Variants in ULK4 observed in about 807,000 individuals in gnomAD.
ULK4 encodes the protein inactive serine/threonine-protein kinase ULK4.
ULK4 carries 133 observed loss-of-function variants against 160.6 expected under a neutral mutation model. The observed-to-expected ratio is 0.83, with a 90% confidence interval of 0.72 to 0.96. The LOEUF (loss-of-function observed/expected upper bound fraction) is 0.96, where lower values mean the gene tolerates loss of function less well. Ranked by LOEUF, ULK4 falls within the 40% of genes least tolerant of loss-of-function variation. The probability of loss-of-function intolerance (pLI) is 0.00; values close to 1 mark genes in which losing one functional copy is unlikely to be tolerated. For synonymous variants in ULK4, 534 were observed against 539.8 expected, an observed-to-expected ratio of 0.99 and a Z score of 0.15; for missense variants, 1,580 against 1,499.5, an observed-to-expected ratio of 1.05 and a Z score of -0.89.
intron 35 of ULK4, among the ~76,000 whole-genome samples, chr3:41,340,638 G>A (rs1214838068): frequency 1.3e-5 from 2 of 152,238 alleles, no homozygotes; most frequent in Non-Finnish European, 2.9e-5. Flanking sequence ...CACATCTGGA[G>A]TGCTCAATAG....
intron 32 of ULK4, among the ~76,000 whole-genome samples, chr3:41,488,141 A>G (rs1234961286): frequency 1.3e-5 from 2 of 152,242 alleles, no homozygotes; most frequent in African/African-American, 4.8e-5. Context: ...ACCGAGTTAG[A>G]GAACAATACA....
intron 19 of ULK4, among the ~76,000 whole-genome samples, chr3:41,806,475 T>C (rs912796251): frequency 1.3e-5 from 2 of 152,214 alleles, no homozygotes; most frequent in South Asian, 2.1e-4. Flanking sequence ...TTTTTGTGTC[T>C]GTATTTCCTT....
intron 5 of ULK4, among the ~76,000 whole-genome samples, chr3:41,928,629 AAC>A (rs1229890867): frequency 1.3e-5 from 2 of 150,926 alleles, no homozygotes; most frequent in Non-Finnish European, 3.0e-5. Context: ...AAAAGAAACA[AAC>A]ACAATAAAAA....
rs143204589 is a variant in ULK4 at position 41,508,317 on chromosome 3, A to T, written c.3227-45064T>A. Among the ~76,000 whole-genome samples, 622 of 152,262 alleles carry T rather than the reference A, an allele frequency of 4.1e-3. 2 individuals are homozygous for T. The highest frequency in any genetic ancestry group is 6.4e-3 in the Non-Finnish European group (437 of 68,026). The stretch of plus-strand genomic sequence containing the variant: ...GGAGAGTCTGAGCTCAGACATGCCT[A>T]TACCTGCCTCCACCTGGTAGTCTTT... On this transcript the variant is annotated intron_variant, in intron 32 of 36. Coordinates refer to ENST00000301831, the MANE Select transcript of ULK4 (RefSeq NM_017886.4).
intron 35 of ULK4, among the ~76,000 whole-genome samples, chr3:41,292,923 G>A (rs919891848): frequency 1.7e-4 from 26 of 151,762 alleles, no homozygotes; most frequent in African/African-American, 6.1e-4. Flanking sequence ...CAGCCTGGGC[G>A]ACAGAGCAAG....
intron 32 of ULK4, among the ~76,000 whole-genome samples, chr3:41,550,160 A>G (rs2087007512): frequency 6.6e-6 from 1 of 152,102 alleles, no homozygotes; most frequent in African/African-American, 2.4e-5. Context: ...AAAAAATTCA[A>G]ATGCAAGCAT....
chr3:41,375,412 G>A (rs1395851658), intron 35 of ULK4, among the ~76,000 whole-genome samples: 2 of 150,048 alleles, frequency 1.3e-5, no homozygotes, highest in African/African-American at 5.0e-5. Context: ...AAACGGCATG[G>A]TACTGGTACC....
At chr3:41,430,411 A>T (rs2082878343) in intron 34 of ULK4, among the ~76,000 whole-genome samples, 1 of 152,192 alleles carries the variant, frequency 6.6e-6, no homozygotes, top group Non-Finnish European at 1.5e-5. Context: ...ACACTATAGG[A>T]CTTGGTTGCC....
At chr3:41,682,235 T>A (rs1457569345) in intron 27 of ULK4, among the ~76,000 whole-genome samples, 1 of 152,178 alleles carries the variant, frequency 6.6e-6, no homozygotes, top group African/African-American at 2.4e-5. Flanking sequence ...CAAATAACTA[T>A]GACAAGTTCG....
At chr3:41,359,913 A>T (rs1300933875) in intron 35 of ULK4, among the ~76,000 whole-genome samples, 1 of 152,240 alleles carries the variant, frequency 6.6e-6, no homozygotes, top group Non-Finnish European at 1.5e-5. Context: ...AACAAAAACA[A>T]AAATTGACAA....
chr3:41,463,069 G>A lies in ULK4; in HGVS notation c.3393+18C>T. Reference sequence around the variant, plus strand: ...ATGGAGTAGGGCTGCTCAAGACACAGGAAAACAGATCCTCTACCTGCAAAG... The same window carrying A: ...ATGGAGTAGGGCTGCTCAAGACACAAGAAAACAGATCCTCTACCTGCAAAG... On this transcript the variant is annotated intron_variant, in intron 33 of 36. Transcript: ENST00000301831. 1 of 1,611,050 alleles carries A rather than the reference G, an allele frequency of 6.2e-7. No homozygotes were observed. Among genetic ancestry groups the A allele is most frequent in the Non-Finnish European group, 8.5e-7 (1 of 1,178,204 alleles).
At chr3:41,834,758 T>C (rs1242912177) in intron 18 of ULK4, among the ~76,000 whole-genome samples, 3 of 152,162 alleles carry the variant, frequency 2.0e-5, no homozygotes, top group African/African-American at 7.2e-5. Flanking sequence ...AGAAATACAA[T>C]TACAGTCATG....
intron 35 of ULK4, among the ~76,000 whole-genome samples, chr3:41,387,514 C>T (rs975097235): frequency 2.0e-5 from 3 of 152,086 alleles, no homozygotes; most frequent in Non-Finnish European, 4.4e-5. Flanking sequence ...CTAATGCTAT[C>T]CCTCCCTACT....
chr3:41,930,901 T>C (rs1255612814), intron 5 of ULK4, among the ~76,000 whole-genome samples: 1 of 152,194 alleles, frequency 6.6e-6, no homozygotes, highest in Non-Finnish European at 1.5e-5. Flanking sequence ...GGAATGTAGA[T>C]TGGTTCAACC....
chr3:41,882,229 T>A, intron 17 of ULK4: 1 of 702,978 alleles, frequency 1.4e-6, no homozygotes, highest in Non-Finnish European at 2.6e-6. Flanking sequence ...GGCACTGGAG[T>A]GGAGTGTTGA....
intron 32 of ULK4, among the ~76,000 whole-genome samples, chr3:41,473,915 G>A (rs1336259821): frequency 6.6e-6 from 1 of 152,074 alleles, no homozygotes; most frequent in Admixed American, 6.5e-5. Context: ...TGTCCGTTCT[G>A]CCTAAAGCAA....
At chr3:41,734,985 C>T (rs768484104) in intron 22 of ULK4, among the ~76,000 whole-genome samples, 1 of 152,030 alleles carries the variant, frequency 6.6e-6, no homozygotes, top group East Asian at 1.9e-4. Flanking sequence ...GCTGATGGGA[C>T]GACATGAGGT....
intron 35 of ULK4, among the ~76,000 whole-genome samples, chr3:41,316,351 C>G (rs2080142897): frequency 6.6e-6 from 1 of 152,132 alleles, no homozygotes; most frequent in African/African-American, 2.4e-5. Flanking sequence ...TGCTAATACA[C>G]TAAAAACCAT....
At chr3:41,798,353 T>C (rs1044235126) in intron 20 of ULK4, among the ~76,000 whole-genome samples, 4 of 152,220 alleles carry the variant, frequency 2.6e-5, no homozygotes, top group Non-Finnish European at 5.9e-5. Flanking sequence ...GTATACTTTG[T>C]AACTGTTTCT....
Sources: allele counts gnomAD v4.1 joint callset (sites outside exome capture counted in the v4.1 genomes callset), GRCh38; gene constraint gnomAD v4.1.1; transcripts MANE v1.5; gene names NCBI Gene and HGNC (gene_info 2026-07-23, HGNC 2026-07-21).